Variants in FSTL5 observed in about 807,000 individuals in gnomAD.
The protein encoded by FSTL5 is follistatin-related protein 5.
A neutral mutation model predicts 89.1 loss-of-function variants in FSTL5; 62 were observed. The ratio of observed to expected loss-of-function variants is 0.70; its 90% CI spans 0.57 to 0.86. FSTL5 has a LOEUF of 0.86. Among genes scored for constraint, FSTL5 ranks in the 40% least tolerant of loss-of-function variants. The pLI is 0.00. For synonymous variants in FSTL5, 383 were observed against 346.2 expected (o/e 1.11, Z -1.18); for missense variants, 1,057 against 1,001.6 (o/e 1.06, Z -0.75).
chr4:162,157,336 A>G (rs1414456963), intron 1 of FSTL5, among the ~76,000 whole-genome samples: 1 of 152,176 alleles, frequency 6.6e-6, no homozygotes, highest in African/African-American at 2.4e-5. Flanking sequence ...AATGGGGATC[A>G]TGTTAGGGAT....
chr4:161,884,637 T>C (rs1169773045), intron 4 of FSTL5, among the ~76,000 whole-genome samples: 1 of 152,180 alleles, frequency 6.6e-6, no homozygotes, highest in Non-Finnish European at 1.5e-5. Context: ...GTTTTTTAAA[T>C]TACCTTTATG....
At chr4:162,023,456 G>A (rs999936654) in intron 3 of FSTL5, among the ~76,000 whole-genome samples, 1 of 152,072 alleles carries the variant, frequency 6.6e-6, no homozygotes, top group Non-Finnish European at 1.5e-5. Context: ...TTAACATCTT[G>A]TACCTCCTGG....
chr4:161,848,258 G>T (rs1731439388), intron 4 of FSTL5, among the ~76,000 whole-genome samples: 1 of 151,842 alleles, frequency 6.6e-6, no homozygotes, highest in Non-Finnish European at 1.5e-5. Flanking sequence ...AAATATAATA[G>T]CTACAATGAA....
rs1732721666 is a variant in FSTL5, at chr4:162,141,136, AGAC to A, written c.-17+22476_-17+22478del. On this transcript the variant is annotated intron_variant, in intron 1 of 15. Transcript: ENST00000306100. ...TTTTTTTTTTTTTTTTTTTTTTTTGAGACGGAGTTTCGCTCTGTCGCCCAGGCT... is the reference window on the plus strand; with the variant it reads ...TTTTTTTTTTTTTTTTTTTTTTTTGAGGAGTTTCGCTCTGTCGCCCAGGCT... Among the ~76,000 whole-genome samples, 7 of 30,354 alleles carry A rather than the reference AGAC, an allele frequency of 2.3e-4. 1 individual carries two copies. The East Asian group carries it at 9.0e-3, about 39-fold the overall frequency. 19.9% of individuals were successfully genotyped at this position (30,354 alleles called of 152,430 possible).
At chr4:161,962,295 C>T (rs4435697) in intron 3 of FSTL5, among the ~76,000 whole-genome samples, 49,817 of 151,670 alleles carry the variant, frequency 0.33, 9,883 homozygotes, top group Non-Finnish European at 0.43. Flanking sequence ...GTTCTGGTTA[C>T]CTTTTCAATT....
rs184615297 is a variant in FSTL5, at chr4:161,904,433, T to C, written c.409+15971A>G. 9.9e-5 allele frequency among the ~76,000 whole-genome samples: 15 copies of C among 152,182 alleles called. No homozygotes were observed. In the East Asian group the frequency reaches 2.7e-3, roughly 27 times the overall value. The stretch of plus-strand genomic sequence containing the variant: ...CAAAATGCAACCCAATATTGATTAG[T>C]GCTAAGAACTAATATATAAATTATC... On this transcript the variant is annotated intron_variant, in intron 4 of 15. Coordinates refer to ENST00000306100, the MANE Select transcript of FSTL5 (RefSeq NM_020116.5).
chr4:161,644,809 A>C (rs1335505420), intron 7 of FSTL5, among the ~76,000 whole-genome samples: 2 of 152,212 alleles, frequency 1.3e-5, no homozygotes, highest in Non-Finnish European at 2.9e-5. Context: ...AAGTCTCCAT[A>C]GGCAAGGATA....
intron 6 of FSTL5, among the ~76,000 whole-genome samples, chr4:161,733,365 A>G (rs770217902): frequency 9.2e-5 from 14 of 152,066 alleles, no homozygotes; most frequent in Non-Finnish European, 1.6e-4. Context: ...TGCAGAACTT[A>G]TAAGTCCTAG....
At chr4:161,534,975 G>T (rs1186200310) in intron 10 of FSTL5, among the ~76,000 whole-genome samples, 1 of 152,034 alleles carries the variant, frequency 6.6e-6, no homozygotes, top group East Asian at 1.9e-4. Flanking sequence ...ACAGGGAAAG[G>T]ACTATCTATT....
chr4:161,998,106 T>C (rs1255331566), intron 3 of FSTL5, among the ~76,000 whole-genome samples: 1 of 152,158 alleles, frequency 6.6e-6, no homozygotes, highest in Non-Finnish European at 1.5e-5. Flanking sequence ...TTCTGTCTAC[T>C]CTTTGCTTTA....
chr4:161,623,753 T>C (rs1172652365), intron 7 of FSTL5, among the ~76,000 whole-genome samples: 1 of 151,984 alleles, frequency 6.6e-6, no homozygotes, highest in Admixed American at 6.6e-5. Context: ...AATATCTGTT[T>C]ATTTCTACTT....
chr4:162,129,250 T>C (rs1254465641), intron 1 of FSTL5, among the ~76,000 whole-genome samples: 1 of 152,216 alleles, frequency 6.6e-6, no homozygotes, highest in East Asian at 1.9e-4. Context: ...TCTATTTTTA[T>C]GGTTAATTAA....
Position 161,487,037 on chromosome 4 carries a change from T to C in FSTL5, c.1459-5868A>G, listed in dbSNP as rs115663563. 3.4e-3 allele frequency among the ~76,000 whole-genome samples: 521 copies of C among 152,276 alleles called. 3 individuals are homozygous for C. The highest frequency in any genetic ancestry group is 0.011 in the African/African-American group (473 of 41,570). ...TTCCAACACCTACATAATTCATTCC[T>C]AACTTTGAGGTGTTTCACTGATTTT... On this transcript the variant is annotated intron_variant, in intron 12 of 15. Transcript: ENST00000306100.
At chr4:161,919,614 G>A (rs1549828) in intron 4 of FSTL5, among the ~76,000 whole-genome samples, 135,891 of 152,120 alleles carry the variant, frequency 0.89, 61,309 homozygotes, top group Non-Finnish European at 0.96. Flanking sequence ...CTGACCAAAG[G>A]TTAGAAGTCA....
chr4:161,913,244 T>C (rs544080667), intron 4 of FSTL5, among the ~76,000 whole-genome samples: 1 of 152,066 alleles, frequency 6.6e-6, no homozygotes, highest in African/African-American at 2.4e-5. Context: ...ATGGGGAAAA[T>C]GTCTCCAGGC....
At chr4:161,897,575 C>CAAAAAAAAAA (rs35785865) in intron 4 of FSTL5, among the ~76,000 whole-genome samples, 1 of 81,450 alleles carries the variant, frequency 1.2e-5, no homozygotes, top group African/African-American at 4.4e-5. Flanking sequence ...AACTCCGTCT[C>CAAAAAAAAAA]AAAAAAAAAA....
At chr4:162,112,302 G>T (rs963769808) in intron 1 of FSTL5, among the ~76,000 whole-genome samples, 14 of 152,148 alleles carry the variant, frequency 9.2e-5, no homozygotes, top group African/African-American at 2.7e-4. Flanking sequence ...TAGCGACAGG[G>T]TCTCACTTTG....
At chr4:161,645,969 T>C (rs973669483) in intron 7 of FSTL5, among the ~76,000 whole-genome samples, 13 of 151,750 alleles carry the variant, frequency 8.6e-5, no homozygotes, top group African/African-American at 3.1e-4. Context: ...AAAAAGTCAA[T>C]AGCTGTATTT....
intron 4 of FSTL5, among the ~76,000 whole-genome samples, chr4:161,907,791 G>A (rs925416255): frequency 6.6e-6 from 1 of 152,028 alleles, no homozygotes; most frequent in Admixed American, 6.6e-5. Context: ...CAGGAGGTTA[G>A]CGTGCATGAC....
Sources: allele counts gnomAD v4.1 joint callset (sites outside exome capture counted in the v4.1 genomes callset), GRCh38; gene constraint gnomAD v4.1.1; transcripts MANE v1.5; gene names NCBI Gene and HGNC (gene_info 2026-07-23, HGNC 2026-07-21).